The following CCDC40 variants were observed in gnomAD, a reference collection of about 807,000 sequenced individuals.
CCDC40 encodes coiled-coil domain 40 molecular ruler complex subunit, also known as coiled-coil domain-containing protein 40.
Under a neutral mutation model 124.5 loss-of-function variants are expected in CCDC40, and 104 were observed. The observed-to-expected ratio is 0.84, with a 90% CI of 0.71 to 0.98. The LOEUF is 0.98. Ranked by LOEUF, CCDC40 falls within the 50% of genes least tolerant of loss-of-function variation. CCDC40 has a pLI of 0.00. For synonymous variants in CCDC40, 580 were observed against 602.9 expected (o/e 0.96, Z 0.56); for missense variants, 1,463 against 1,503.9 (o/e 0.97, Z 0.45).
At chr17:80,063,386 T>A (rs924575473) in intron 9 of CCDC40, among the ~76,000 whole-genome samples, 1 of 152,036 alleles carries the variant, frequency 6.6e-6, no homozygotes, top group African/African-American at 2.4e-5. Context: ...AAAACTGGGG[T>A]CTAAATGCAC....
intron 10 of CCDC40, among the ~76,000 whole-genome samples, chr17:80,075,145 G>A (rs567706598): frequency 6.6e-6 from 1 of 152,132 alleles, no homozygotes; most frequent in South Asian, 2.1e-4. Flanking sequence ...GGCTGGTCTT[G>A]AACTCCTAAC....
At chr17:80,067,711 T>C (rs118030915) in intron 10 of CCDC40, 2 of 1,526,610 alleles carry the variant, frequency 1.3e-6, no homozygotes, top group Non-Finnish European at 8.8e-7. Context: ...ATAGCCTTTT[T>C]TATATTGCCT....
chr17:80,047,421 G>A lies in CCDC40; in HGVS notation c.676+19G>A, dbSNP rs1201091847. ...GAGCCAGGTGCCACCCACCTGCTGA[G>A]GTCACCCTGCCCTGGCGATGAGCCA... On this transcript the variant is annotated intron_variant, in intron 4 of 19. Coordinates refer to ENST00000397545, the MANE Select transcript of CCDC40 (RefSeq NM_017950.4). 1 of 1,607,252 alleles carries A rather than the reference G, an allele frequency of 6.2e-7. No homozygotes were observed. The highest frequency in any genetic ancestry group is 8.5e-7 in the Non-Finnish European group (1 of 1,177,494).
At chr17:80,091,254 T>C (rs2038715787) in intron 17 of CCDC40, among the ~76,000 whole-genome samples, 1 of 151,424 alleles carries the variant, frequency 6.6e-6, no homozygotes, top group Non-Finnish European at 1.5e-5. Context: ...TGTTTTGTCC[T>C]AGACACAATG....
At chr17:80,085,360 T>C (rs1383131750) in intron 13 of CCDC40, among the ~76,000 whole-genome samples, 1 of 152,268 alleles carries the variant, frequency 6.6e-6, no homozygotes, top group Non-Finnish European at 1.5e-5. Context: ...AATATTCTGC[T>C]GCTCTAAGAA....
Position 80,043,605 on chromosome 17 carries a change from C to CTTTTTT in CCDC40, c.552+3350_552+3355dup, listed in dbSNP as rs61278841. On this transcript the variant is annotated intron_variant, in intron 3 of 19. Coordinates refer to ENST00000397545, the MANE Select transcript of CCDC40 (RefSeq NM_017950.4). ...AGTCCCTCCTGGTTTTCTCCTCTTC[C>CTTTTTT]TTTTTTTTTTTTTTTTTTTTGAAAC... Among the ~76,000 whole-genome samples, 9 of 121,378 alleles carry CTTTTTT rather than the reference C, an allele frequency of 7.4e-5. No individual in the cohort carries two copies. In the South Asian group the frequency reaches 2.1e-3, roughly 28 times the overall value. The allele number at this position is 121,378 out of a possible 152,430, so 79.6% of individuals were successfully genotyped here.
chr17:80,043,598 C>G (rs1172378110), intron 3 of CCDC40, among the ~76,000 whole-genome samples: 1 of 148,254 alleles, frequency 6.7e-6, no homozygotes, highest in Non-Finnish European at 1.5e-5. Context: ...CTGGTTTTCT[C>G]CTCTTCCTTT....
chr17:80,044,300 A>G (rs2037356937), intron 3 of CCDC40, among the ~76,000 whole-genome samples: 2 of 152,218 alleles, frequency 1.3e-5, no homozygotes, highest in Admixed American at 6.5e-5. Context: ...GGAGAACAGC[A>G]TGATTCAGTA....
At chr17:80,089,638 T>C in intron 16 of CCDC40, 126 bp from the exon 17 acceptor site, 1 of 1,156,116 alleles carries the variant, frequency 8.6e-7, no homozygotes, top group Non-Finnish European at 1.3e-6. Flanking sequence ...AGCCTCACGC[T>C]TTCTGTCGCA....
intron 3 of CCDC40, among the ~76,000 whole-genome samples, chr17:80,041,249 T>C (rs1291942719): frequency 6.6e-6 from 1 of 152,216 alleles, no homozygotes; most frequent in Non-Finnish European, 1.5e-5. Context: ...GGTGCACGCC[T>C]GTAATCCCAG....
Position 80,058,829 on chromosome 17 carries a change from A to G in CCDC40, c.1318-29A>G, listed in dbSNP as rs1385409333. On this transcript the variant is annotated intron_variant, in intron 8 of 19. Coordinates refer to ENST00000397545, the MANE Select transcript of CCDC40 (RefSeq NM_017950.4). The surrounding 1 kb of genome is among the most constrained non-coding windows in gnomAD (Gnocchi z 4.2). Reference sequence around the variant, plus strand: ...GGCCCTCAGCCACGGGCACCTCCTGACGGGGCTGCTTCTCATCCTGTTTCC... The same window carrying G: ...GGCCCTCAGCCACGGGCACCTCCTGGCGGGGCTGCTTCTCATCCTGTTTCC... The G allele has an allele frequency of 6.2e-7, 1 of 1,613,918 alleles. No individual in the cohort carries two copies. The highest frequency in any genetic ancestry group is 8.5e-7 in the Non-Finnish European group (1 of 1,179,972).
At chr17:80,082,309 G>A (rs1329270404) in intron 12 of CCDC40, among the ~76,000 whole-genome samples, 2 of 150,214 alleles carry the variant, frequency 1.3e-5, no homozygotes, top group Non-Finnish European at 3.0e-5. Context: ...GGGACCTGGA[G>A]TGTGACTTCG....
intron 3 of CCDC40, among the ~76,000 whole-genome samples, chr17:80,046,804 A>G (rs974100560): frequency 1.3e-5 from 2 of 152,086 alleles, no homozygotes; most frequent in Non-Finnish European, 2.9e-5. Context: ...CAATAAGAAA[A>G]TGTCTTCCCT....
chr17:80,048,507 C>T (rs1393560770), intron 4 of CCDC40, 76 bp from the exon 5 acceptor site: 5 of 1,200,290 alleles, frequency 4.2e-6, no homozygotes. Flanking sequence ...GCAGCTGTGC[C>T]ATTGATGCCC....
In CCDC40 at chr17:80,050,262, G is replaced by A. The variant is rs199564182; in HGVS notation, c.1138G>A (p.Ala380Thr). The A allele has an allele frequency of 5.7e-5, 89 of 1,573,424 alleles. No homozygotes were observed. The African/African-American group carries it at 8.0e-4, about 14-fold the overall frequency. Residue 380 changes from alanine to threonine, a missense_variant, in exon 7 of 20, where the codon GCC becomes ACC. Ala to Thr is a moderately conservative substitution (Grantham distance 58, BLOSUM62 0). Transcript: ENST00000397545. The stretch of plus-strand genomic sequence containing the variant: ...TCTCTACACCAAGACCTGCGCAGCC[G>A]CCAACGAGGAGCGCAAAAAGTGTAA... ...RALYTKTCAA[A>T]NEERKKLAAL...
chr17:80,091,342 C>CACAGAG (rs1555594249), intron 17 of CCDC40, among the ~76,000 whole-genome samples: 70 of 145,020 alleles, frequency 4.8e-4, no homozygotes, highest in Middle Eastern at 3.5e-3. Flanking sequence ...CACACACACA[C>CACAGAG]AGAGAGAGAG....
intron 1 of CCDC40, 142 bp from the exon 2 acceptor site, chr17:80,037,981 A>G: frequency 1.5e-6 from 1 of 663,904 alleles, no homozygotes. Flanking sequence ...TTCCTGACAA[A>G]CAGGACAAAG....
chr17:80,097,717 A>G (rs1301412667), intron 19 of CCDC40: 1 of 380,076 alleles, frequency 2.6e-6, no homozygotes, highest in Admixed American at 4.0e-5. Context: ...AGGACAGATG[A>G]TGAGCAAAAT....
chr17:80,037,936 C>T (rs1203661434), intron 1 of CCDC40, 187 bp from the exon 2 acceptor site: 2 of 558,622 alleles, frequency 3.6e-6, no homozygotes, highest in Non-Finnish European at 6.7e-6. Flanking sequence ...TTTGTGGCAT[C>T]TCCGCCACCT....
Sources: gnomAD v4.1 joint callset for allele counts (sites outside exome capture counted in the v4.1 genomes callset) on GRCh38, gnomAD v4.1.1 for gene constraint, Gnocchi (gnomAD v3.1) non-coding constraint, MANE v1.5 for transcripts, NCBI Gene and HGNC (gene_info 2026-07-23, HGNC 2026-07-21) for gene names.